Variants in EFCAB14 observed in about 807,000 individuals in gnomAD.
EFCAB14 encodes EF-hand calcium binding domain 14.
A neutral mutation model predicts 56.5 loss-of-function variants in EFCAB14; 43 were observed. That is an observed-to-expected ratio of 0.76 (90% CI 0.60 to 0.98). The LOEUF is 0.98. Ranked by LOEUF, EFCAB14 falls within the 50% of genes least tolerant of loss-of-function variation. EFCAB14 has a pLI of 0.00. For synonymous variants in EFCAB14, 235 were observed against 212.9 expected (o/e 1.10, Z -0.90); for missense variants, 538 against 580.3 (o/e 0.93, Z 0.75).
At chr1:46,688,975 GT>G (rs1417163991) in intron 6 of EFCAB14, among the ~76,000 whole-genome samples, 1 of 152,208 alleles carries the variant, frequency 6.6e-6, no homozygotes, top group Non-Finnish European at 1.5e-5. Context: ...GTAGTGCATT[GT>G]TTAGTATAAG....
chr1:46,681,717 G>T (rs1033392213), intron 10 of EFCAB14, among the ~76,000 whole-genome samples: 1 of 149,132 alleles, frequency 6.7e-6, no homozygotes, highest in African/African-American at 2.5e-5. Context: ...GCTACACTAC[G>T]CACTTGGTAG....
intron 2 of EFCAB14, among the ~76,000 whole-genome samples, chr1:46,709,770 C>T (rs1677281468): frequency 6.6e-6 from 1 of 152,176 alleles, no homozygotes; most frequent in African/African-American, 2.4e-5. Context: ...GGTGGATCAC[C>T]TGAGGTGAGG....
At chr1:46,681,935 C>T (rs1007955974) in intron 10 of EFCAB14, among the ~76,000 whole-genome samples, 2 of 151,112 alleles carry the variant, frequency 1.3e-5, no homozygotes, top group African/African-American at 4.9e-5. Context: ...CCATTAAACA[C>T]AACACTTCCC....
At chr1:46,706,467 A>T (rs1677235188) in intron 3 of EFCAB14, among the ~76,000 whole-genome samples, 1 of 152,220 alleles carries the variant, frequency 6.6e-6, no homozygotes, top group Non-Finnish European at 1.5e-5. Flanking sequence ...TCAGTTTACA[A>T]GAACGAGATG....
chr1:46,708,816 T>A (rs1677268378), intron 2 of EFCAB14, among the ~76,000 whole-genome samples: 1 of 152,246 alleles, frequency 6.6e-6, no homozygotes, highest in Non-Finnish European at 1.5e-5. Flanking sequence ...CTGAATGGTT[T>A]AGGGATTTGC....
chr1:46,706,790 A>G (rs552321991), intron 3 of EFCAB14, among the ~76,000 whole-genome samples: 1 of 152,396 alleles, frequency 6.6e-6, no homozygotes, highest in South Asian at 2.1e-4. Context: ...TTATTTCATG[A>G]ATAATTTTGA....
intron 3 of EFCAB14, among the ~76,000 whole-genome samples, chr1:46,705,596 G>C (rs978678536): frequency 6.6e-6 from 1 of 152,142 alleles, no homozygotes; most frequent in Non-Finnish European, 1.5e-5. Flanking sequence ...GAGTGTGAGC[G>C]TGTGTATGAG....
At chr1:46,709,014 A>G (rs1419457096) in intron 2 of EFCAB14, among the ~76,000 whole-genome samples, 1 of 152,062 alleles carries the variant, frequency 6.6e-6, no homozygotes, top group African/African-American at 2.4e-5. Context: ...AAACTGGCAT[A>G]AAAGACCCAT....
intron 3 of EFCAB14, among the ~76,000 whole-genome samples, chr1:46,699,662 A>G (rs1677128128): frequency 6.6e-6 from 1 of 152,234 alleles, no homozygotes; most frequent in Non-Finnish European, 1.5e-5. Flanking sequence ...TATAATAATA[A>G]TAACAACAAC....
chr1:46,684,685 A>C (rs568685093), intron 8 of EFCAB14, 83 bp from the exon 9 acceptor site: 2 of 1,154,686 alleles, frequency 1.7e-6, no homozygotes, highest in South Asian at 2.5e-5. Flanking sequence ...GAGCCTGTTT[A>C]GCATGTAGTG....
chr1:46,698,642 A>G (rs1453322179), intron 3 of EFCAB14, among the ~76,000 whole-genome samples: 1 of 152,222 alleles, frequency 6.6e-6, no homozygotes. Flanking sequence ...TGCTAGACCA[A>G]AAGTCCCAGT....
At chr1:46,683,539 T>C (rs1676830868) in intron 9 of EFCAB14, 114 bp from the exon 10 acceptor site, 2 of 1,153,934 alleles carry the variant, frequency 1.7e-6, no homozygotes, top group African/African-American at 3.1e-5. Flanking sequence ...TAGAGAAACA[T>C]TTGAAGATAA....
At chr1:46,679,053 G>A (rs943166212) in intron 10 of EFCAB14, among the ~76,000 whole-genome samples, 2 of 152,188 alleles carry the variant, frequency 1.3e-5, no homozygotes, top group African/African-American at 4.8e-5. Flanking sequence ...TTATTCTTAT[G>A]TTGAAGGGGT....
At chr1:46,709,258 C>T (rs1370710113) in intron 2 of EFCAB14, among the ~76,000 whole-genome samples, 3 of 152,130 alleles carry the variant, frequency 2.0e-5, no homozygotes, top group Non-Finnish European at 2.9e-5. Flanking sequence ...ATCACTTTAC[C>T]TACCTCTTCA....
Position 46,691,932 on chromosome 1 carries a change from T to G in EFCAB14, c.585A>C (p.Val195=). Residue 195 remains valine (V), a synonymous_variant, in exon 5 of 11, where the codon GTA becomes GTC. Transcript: ENST00000371933. ...PTTVEGLQKS[V]ASIGNTLNSV... is the part of the protein sequence containing the mutation. ...TGTTTAAAGTATTGCCAATGGAAGC[T>G]ACACTCTGAATGGAAACATATAGGA... 1 of 1,612,776 alleles carries G rather than the reference T, an allele frequency of 6.2e-7. No homozygotes were observed. Among genetic ancestry groups the G allele is most frequent in the Non-Finnish European group, 8.5e-7 (1 of 1,179,294 alleles).
intron 2 of EFCAB14, 139 bp downstream of exon 2, chr1:46,716,156 T>G: frequency 1.1e-6 from 1 of 934,828 alleles, no homozygotes; most frequent in Non-Finnish European, 1.5e-6. Flanking sequence ...AGGCTGACCA[T>G]GAGAATCACT....
chr1:46,686,691 A>G, intron 8 of EFCAB14, 93 bp downstream of exon 8: 1 of 1,261,808 alleles, frequency 7.9e-7, no homozygotes, highest in Non-Finnish European at 1.1e-6. Context: ...CATGAGAACA[A>G]AAGTACGCCC....
In EFCAB14 at chr1:46,716,575, G is replaced by C. The variant is rs902587289; in HGVS notation, c.186-132C>G. 9 of 1,014,030 alleles carry C rather than the reference G, an allele frequency of 8.9e-6. No homozygotes were observed. In the African/African-American group the frequency reaches 1.5e-4, roughly 16 times the overall value. 62.8% of individuals were successfully genotyped at this position (1,014,030 alleles called of 1,614,324 possible). On this transcript the variant is annotated intron_variant, in intron 1 of 10. Transcript: ENST00000371933. ...ACCAGTGAATTAACCAGGGGAGGCA[G>C]GGTAAAGCACTTAAATGAATAAATA...
chr1:46,697,702 C>T (rs558620679), intron 3 of EFCAB14, among the ~76,000 whole-genome samples: 6 of 152,294 alleles, frequency 3.9e-5, no homozygotes, highest in African/African-American at 1.4e-4. Flanking sequence ...GACACTGCTG[C>T]AGTCATTGTG....
Sources: allele counts gnomAD v4.1 joint callset (sites outside exome capture counted in the v4.1 genomes callset), GRCh38; gene constraint gnomAD v4.1.1; transcripts MANE v1.5; gene names NCBI Gene and HGNC (gene_info 2026-07-23, HGNC 2026-07-21).